Variants in ATOSA observed in about 807,000 individuals in gnomAD.
ATOSA encodes the protein atos homolog A.
the ATOSA span, among the ~76,000 whole-genome samples, chr15:52,642,362 G>A: frequency 6.6e-6 from 1 of 152,270 alleles, no homozygotes; most frequent in South Asian, 2.1e-4. Flanking sequence ...GAGACCTTGG[G>A]AAAAGTCAAA....
chr15:52,647,589 G>C, the ATOSA span, among the ~76,000 whole-genome samples: 7 of 152,270 alleles, frequency 4.6e-5, no homozygotes, highest in East Asian at 1.3e-3. Flanking sequence ...CTTTAGCTCA[G>C]TTCTAGCTGA....
the ATOSA span, among the ~76,000 whole-genome samples, chr15:52,643,836 C>T: frequency 6.6e-6 from 1 of 151,768 alleles, no homozygotes; most frequent in Non-Finnish European, 1.5e-5. Flanking sequence ...TCACTTGAAC[C>T]CGGGAGGCGG....
chr15:52,605,042 AT>A, the ATOSA span: 1 of 875,668 alleles, frequency 1.1e-6, no homozygotes, highest in Non-Finnish European at 1.7e-6. Flanking sequence ...AGATATTTAA[AT>A]TTTTTTCAAT....
chr15:52,589,533 T>A, the ATOSA span, among the ~76,000 whole-genome samples: 2 of 106,178 alleles, frequency 1.9e-5, no homozygotes, highest in African/African-American at 5.4e-5. Context: ...AGTAACTAAA[T>A]CAATTTATTT....
the ATOSA span, among the ~76,000 whole-genome samples, chr15:52,679,816 C>T: frequency 9.3e-6 from 1 of 107,374 alleles, no homozygotes; most frequent in Non-Finnish European, 1.8e-5. Flanking sequence ...TCCTTCCCCC[C>T]CTCCTCCTCC....
chr15:52,607,591 G>C, the ATOSA span, among the ~76,000 whole-genome samples: 1 of 152,098 alleles, frequency 6.6e-6, no homozygotes, highest in Non-Finnish European at 1.5e-5. Flanking sequence ...TTCTCTTTGA[G>C]TCCTAGTTTC....
the ATOSA span, chr15:52,587,359 T>A: frequency 1.3e-5 from 9 of 680,136 alleles, no homozygotes; most frequent in Admixed American, 3.1e-5. Context: ...TTAATAGAGA[T>A]ACATTCTATG....
the ATOSA span, chr15:52,608,759 G>T: frequency 6.2e-7 from 1 of 1,608,248 alleles, no homozygotes; most frequent in South Asian, 1.1e-5. Context: ...CTATTAAGTT[G>T]AGTATTTTGC....
chr15:52,642,035 T>G, the ATOSA span, among the ~76,000 whole-genome samples: 2 of 152,252 alleles, frequency 1.3e-5, no homozygotes. Context: ...AGAACTGTAG[T>G]CAACTAAGCA....
At chr15:52,635,587 T>G in the ATOSA span, among the ~76,000 whole-genome samples, 2 of 152,050 alleles carry the variant, frequency 1.3e-5, no homozygotes, top group East Asian at 1.9e-4. Context: ...TCCCAGCTAC[T>G]TGGGAGGCTG....
At chr15:52,588,037 G>A in the ATOSA span, among the ~76,000 whole-genome samples, 1 of 152,148 alleles carries the variant, frequency 6.6e-6, no homozygotes, top group African/African-American at 2.4e-5. Context: ...CTAAATTAGG[G>A]TCATGTCACT....
the ATOSA span, among the ~76,000 whole-genome samples, chr15:52,693,263 T>A: frequency 6.6e-6 from 1 of 151,950 alleles, no homozygotes; most frequent in African/African-American, 2.4e-5. Flanking sequence ...CTACTAAAAG[T>A]ACAAAAATTA....
the ATOSA span, among the ~76,000 whole-genome samples, chr15:52,661,958 A>C: frequency 3.3e-5 from 5 of 150,506 alleles, no homozygotes; most frequent in Admixed American, 6.6e-5. Flanking sequence ...AAAAACAGCA[A>C]AAAAAAGGAG....
chr15:52,593,373 T>G, the ATOSA span: 1 of 517,460 alleles, frequency 1.9e-6, no homozygotes, highest in Non-Finnish European at 3.5e-6. Flanking sequence ...ATAAGTACAT[T>G]TTTAGTACCA....
the ATOSA span, chr15:52,613,660 A>G: frequency 1.2e-6 from 2 of 1,612,220 alleles, no homozygotes; most frequent in Non-Finnish European, 1.7e-6. Flanking sequence ...AGCATTCAAC[A>G]CAAGATTCTC....
At chr15:52,617,380 G>A in the ATOSA span, among the ~76,000 whole-genome samples, 1 of 152,118 alleles carries the variant, frequency 6.6e-6, no homozygotes, top group South Asian at 2.1e-4. Flanking sequence ...CTGGCCCCTT[G>A]ATCTTGGACT....
the ATOSA span, chr15:52,610,468 T>G: frequency 1.4e-6 from 2 of 1,395,352 alleles, no homozygotes; most frequent in Admixed American, 4.8e-5. Context: ...TGTAAAGCAG[T>G]CATACACTTA....
At chr15:52,610,906 T>C in the ATOSA span, among the ~76,000 whole-genome samples, 4 of 152,216 alleles carry the variant, frequency 2.6e-5, no homozygotes, top group African/African-American at 9.6e-5. Context: ...TAAAGTAAGC[T>C]TAAAAGTTCT....
At chr15:52,687,117 T>TA in the ATOSA span, among the ~76,000 whole-genome samples, 1 of 152,156 alleles carries the variant, frequency 6.6e-6, no homozygotes, top group Non-Finnish European at 1.5e-5. Flanking sequence ...TGTTAATAAA[T>TA]AATTGCGGCC....
Sources: gnomAD v4.1 joint callset for allele counts (sites outside exome capture counted in the v4.1 genomes callset) on GRCh38, gnomAD v4.1.1 for gene constraint, MANE v1.5 for transcripts, NCBI Gene and HGNC (gene_info 2026-07-23, HGNC 2026-07-21) for gene names.